Variants in SLC5A10 observed in about 807,000 individuals in gnomAD.
SLC5A10 encodes solute carrier family 5 member 10, also known as sodium/mannose cotransporter SLC5A10.
In SLC5A10, 55 loss-of-function variants were observed where a neutral mutation model predicts 68.9. The observed-to-expected ratio is 0.80, with a 90% CI of 0.64 to 1.00. The LOEUF (loss-of-function observed/expected upper bound fraction) is 1.00. Among genes scored for constraint, SLC5A10 ranks in the 50% least tolerant of loss-of-function variants. SLC5A10 has a pLI of 0.00. For missense variants in SLC5A10, 732 were observed against 819.3 expected (o/e 0.89, Z 1.30); for synonymous variants, 344 against 344.8 (o/e 1.00, Z 0.02).
chr17:19,005,155 C>T (rs539830811), intron 9 of SLC5A10, among the ~76,000 whole-genome samples: 1 of 152,312 alleles, frequency 6.6e-6, no homozygotes, highest in African/African-American at 2.4e-5. Context: ...GGAAACAGGT[C>T]TAGGGTACTG....
At chr17:18,983,002 G>C (rs762225264) in intron 9 of SLC5A10, among the ~76,000 whole-genome samples, 6 of 152,254 alleles carry the variant, frequency 3.9e-5, no homozygotes, top group Non-Finnish European at 7.3e-5. Context: ...CCCAGTGGGT[G>C]CCCCATGAAC....
rs2044167690 is a variant in SLC5A10, at chr17:19,017,605, C to T, written c.1242-1818C>T. On this transcript the variant is annotated intron_variant, in intron 11 of 14. Coordinates refer to ENST00000395645, the MANE Select transcript of SLC5A10 (RefSeq NM_001042450.4). This position sits in a 1 kb window ranked among gnomAD's most constrained non-coding sequence, Gnocchi z 5.6. Reference sequence around the variant, plus strand: ...GATGACCCGCCCCCACTCCCGTATGCCTGCCCCAAGCCCCCACACCTCAGT... The same window carrying T: ...GATGACCCGCCCCCACTCCCGTATGTCTGCCCCAAGCCCCCACACCTCAGT... 1.8e-6 allele frequency: 1 copy of T among 549,228 alleles called. No individual in the cohort carries two copies. Among genetic ancestry groups the T allele is most frequent in the Non-Finnish European group, 3.3e-6 (1 of 304,984 alleles). The allele number at this position is 549,228 out of a possible 1,614,324, so 34.0% of individuals were successfully genotyped here.
intron 9 of SLC5A10, among the ~76,000 whole-genome samples, chr17:18,980,394 T>A (rs2043101036): frequency 6.6e-6 from 1 of 152,018 alleles, no homozygotes; most frequent in African/African-American, 2.4e-5. Flanking sequence ...TCAGAGACTG[T>A]GGCCAAGGGA....
chr17:18,973,883 A>AG (rs1363641712), intron 8 of SLC5A10, among the ~76,000 whole-genome samples: 4 of 97,950 alleles, frequency 4.1e-5, no homozygotes, highest in Non-Finnish European at 8.3e-5. Flanking sequence ...TTTTTTTTTA[A>AG]GTTTTTTTTT....
chr17:18,962,662 G>A (rs888579936), intron 5 of SLC5A10, among the ~76,000 whole-genome samples: 3 of 152,164 alleles, frequency 2.0e-5, no homozygotes, highest in East Asian at 3.8e-4. Context: ...AGGAGCCGGG[G>A]TGGTGTTTAA....
At chr17:18,989,292 C>A (rs1167449851) in intron 9 of SLC5A10, among the ~76,000 whole-genome samples, 1 of 152,138 alleles carries the variant, frequency 6.6e-6, no homozygotes, top group South Asian at 2.1e-4. Context: ...CTACAGACTA[C>A]CCTGACTTGT....
rs2044272457 is a variant in SLC5A10 at position 19,022,007 on chromosome 17, C to T, written c.*1576C>T. The T allele has an allele frequency of 1.3e-6, 2 of 1,595,334 alleles. No homozygotes were observed. Among genetic ancestry groups the T allele is most frequent in the African/African-American group, 1.4e-5 (1 of 73,960 alleles). Reference sequence around the variant, plus strand: ...AACTCCGTGGGAAGAAGCCAACGCGCCCGCAGGACCGGCCCCGCCACCAGT... The same window carrying T: ...AACTCCGTGGGAAGAAGCCAACGCGTCCGCAGGACCGGCCCCGCCACCAGT... On this transcript the variant is annotated 3_prime_UTR_variant, in exon 15 of 15. Coordinates refer to ENST00000395645, the MANE Select transcript of SLC5A10 (RefSeq NM_001042450.4).
At chr17:18,986,708 CCAAACCGACAGGCTTGCTCCCTGCTT>C (rs1302816173) in intron 9 of SLC5A10, among the ~76,000 whole-genome samples, 2 of 152,244 alleles carry the variant, frequency 1.3e-5, no homozygotes, top group Non-Finnish European at 2.9e-5. Context: ...GGTCCCTGCT[CCAAACCGACAGGCTTGCTCCCTGCTT>C]GCGTCTGCAC....
At chr17:18,978,526 C>T (rs768651101) in intron 9 of SLC5A10, 10 of 1,613,358 alleles carry the variant, frequency 6.2e-6, no homozygotes, top group East Asian at 4.5e-5. Flanking sequence ...GCTCAGCCAG[C>T]GCTGGGCCTT....
chr17:18,954,329 G>C (rs2042442378), intron 1 of SLC5A10, among the ~76,000 whole-genome samples: 1 of 152,150 alleles, frequency 6.6e-6, no homozygotes, highest in Non-Finnish European at 1.5e-5. Flanking sequence ...CTGGGCACCT[G>C]AGGCCAGACC....
chr17:19,014,957 G>C lies in SLC5A10; in HGVS notation c.1091-92G>C, dbSNP rs547526934. On this transcript the variant is annotated intron_variant, in intron 10 of 14. Transcript: ENST00000395645. ...TGCCTTGGAGGAGCATGCAAATGGCGGGCGGGCCTCAGGCATTAGAGCCCA... is the reference window on the plus strand; with the variant it reads ...TGCCTTGGAGGAGCATGCAAATGGCCGGCGGGCCTCAGGCATTAGAGCCCA... 1.6e-4 allele frequency: 229 copies of C among 1,460,512 alleles called. No homozygotes were observed. The East Asian group carries it at 4.8e-3, about 30-fold the overall frequency. 90.5% of individuals were successfully genotyped at this position (1,460,512 alleles called of 1,614,324 possible). A position where few individuals can be genotyped will look rare whatever the true frequency, so the allele number is the denominator to read the frequency against.
At position 19,015,165 on chromosome 17, in the gene SLC5A10, CGCTCCGGCGAGCGGGA is replaced by C; in HGVS notation, c.1213_1228del (p.Gly405CysfsTer8). 2 of 1,602,510 alleles carry C rather than the reference CGCTCCGGCGAGCGGGA, an allele frequency of 1.2e-6. No individual in the cohort carries two copies. Among genetic ancestry groups the C allele is most frequent in the Non-Finnish European group, 1.7e-6 (2 of 1,172,526 alleles). ...GGACATCTGGAGGCGGCTGCGTCCC[CGCTCCGGCGAGCGGGA>C]GCTCCTGCTGGTGGGACGGTACGGG... On this transcript the variant is annotated frameshift_variant, in exon 11 of 15. Coordinates refer to ENST00000395645, the MANE Select transcript of SLC5A10 (RefSeq NM_001042450.4). LOFTEE classifies it high-confidence loss of function.
chr17:19,017,586 C>T lies in SLC5A10; in HGVS notation c.1242-1837C>T. ...TCACAGGCTGGGGGAGAGCGATGAC[C>T]CGCCCCCACTCCCGTATGCCTGCCC... On this transcript the variant is annotated intron_variant, in intron 11 of 14. Transcript: ENST00000395645. This position sits in a 1 kb window ranked among gnomAD's most constrained non-coding sequence, Gnocchi z 5.6. 1 of 578,320 alleles carries T rather than the reference C, an allele frequency of 1.7e-6. No individual in the cohort carries two copies. The highest frequency in any genetic ancestry group is 2.0e-5 in the South Asian group (1 of 49,340). 35.8% of individuals were successfully genotyped at this position (578,320 alleles called of 1,614,324 possible). A position where few individuals can be genotyped will look rare whatever the true frequency, so the allele number is the denominator to read the frequency against.
chr17:19,022,024 G>A lies in SLC5A10; in HGVS notation c.*1593G>A, dbSNP rs372985295. 1.8e-5 allele frequency: 28 copies of A among 1,598,280 alleles called. No individual in the cohort carries two copies. The highest frequency in any genetic ancestry group is 4.0e-5 in the African/African-American group (3 of 74,240). On this transcript the variant is annotated 3_prime_UTR_variant, in exon 15 of 15. Transcript: ENST00000395645. ...CCAACGCGCCCGCAGGACCGGCCCCGCCACCAGTGGGGGTCTGGGCGCTCC... is the reference window on the plus strand; with the variant it reads ...CCAACGCGCCCGCAGGACCGGCCCCACCACCAGTGGGGGTCTGGGCGCTCC...
At chr17:19,014,967 C>T (rs2044101537) in intron 10 of SLC5A10, 82 bp from the exon 11 acceptor site, 17 of 1,514,578 alleles carry the variant, frequency 1.1e-5, no homozygotes, top group Middle Eastern at 3.9e-4. Context: ...GGGCGGGCCT[C>T]AGGCATTAGA....
chr17:18,988,695 T>G (rs548043483), intron 9 of SLC5A10, among the ~76,000 whole-genome samples: 1 of 152,350 alleles, frequency 6.6e-6, no homozygotes, highest in South Asian at 2.1e-4. Flanking sequence ...TTGTAACACC[T>G]GGGAATGCTG....
At chr17:19,001,288 G>A (rs192794011) in intron 9 of SLC5A10, among the ~76,000 whole-genome samples, 1 of 152,328 alleles carries the variant, frequency 6.6e-6, no homozygotes, top group African/African-American at 2.4e-5. Flanking sequence ...CAATGCTGTG[G>A]AGTCATGAAC....
rs561787185 is a variant in SLC5A10 at position 18,988,522 on chromosome 17, C to T, written c.982+11533C>T. 976 of 1,527,102 alleles carry T rather than the reference C, an allele frequency of 6.4e-4. 1 individual carries two copies. The highest frequency in any genetic ancestry group is 8.2e-4 in the Non-Finnish European group (927 of 1,130,570). The allele number at this position is 1,527,102 out of a possible 1,614,324, so 94.6% of individuals were successfully genotyped here. On this transcript the variant is annotated intron_variant, in intron 9 of 14. Transcript: ENST00000395645. ...CATGCCACCAGCCTCTCACAGGTGC[C>T]CACTCTGGCCCTACTCCTGGAGCCT...
At chr17:18,958,598 G>A (rs932657952) in intron 1 of SLC5A10, 84 bp from the exon 2 acceptor site, 2 of 1,182,558 alleles carry the variant, frequency 1.7e-6, no homozygotes, top group African/African-American at 1.5e-5. Flanking sequence ...GTAACCTTTT[G>A]AGGAGCTGCC....
Sources: gnomAD v4.1 joint callset for allele counts (sites outside exome capture counted in the v4.1 genomes callset) on GRCh38, gnomAD v4.1.1 for gene constraint, Gnocchi (gnomAD v3.1) non-coding constraint, MANE v1.5 for transcripts, NCBI Gene and HGNC (gene_info 2026-07-23, HGNC 2026-07-21) for gene names.